Variants in RFX8 observed in about 807,000 individuals in gnomAD.
RFX8 encodes DNA-binding protein RFX8.
In RFX8, 46 loss-of-function variants were observed where a neutral mutation model predicts 54.6. That is an observed-to-expected ratio of 0.84 (90% CI 0.67 to 1.08). RFX8 has a LOEUF of 1.08. Ranked by LOEUF, RFX8 falls within the 50% of genes least tolerant of loss-of-function variation. RFX8 has a pLI of 0.00. For missense variants in RFX8, 536 were observed against 562.3 expected, an observed-to-expected ratio of 0.95 and a Z score of 0.47; for synonymous variants, 192 against 209.5, an observed-to-expected ratio of 0.92 and a Z score of 0.72.
chr2:101,471,908 G>A (rs4629180), intron 1 of RFX8, among the ~76,000 whole-genome samples: 113,389 of 152,142 alleles, frequency 0.75, 42,893 homozygotes, highest in African/African-American at 0.84. Context: ...CCTCCACAGG[G>A]CAACAGTTGG....
intron 2 of RFX8, among the ~76,000 whole-genome samples, chr2:101,460,472 A>G (rs571003561): frequency 6.6e-6 from 1 of 152,270 alleles, no homozygotes; most frequent in East Asian, 1.9e-4. Context: ...CTTGTTTATC[A>G]GCACTTTGTT....
intron 2 of RFX8, among the ~76,000 whole-genome samples, chr2:101,444,095 G>A (rs1404771015): frequency 6.6e-6 from 1 of 152,178 alleles, no homozygotes; most frequent in Non-Finnish European, 1.5e-5. Flanking sequence ...GGCAGGTCAT[G>A]CTCCCCACAT....
chr2:101,406,029 T>A lies in RFX8; in HGVS notation c.842A>T (p.Lys281Ile). Residue 281 changes from lysine to isoleucine, a missense_variant, in exon 10 of 12, where the codon AAA (lysine) becomes ATA (isoleucine). By Grantham distance (102) the Lys-to-Ile change is moderately radical. Transcript: ENST00000428343. ...TCTCAGCTGGAAGCTGGCGGCCAAT[T>A]TGGTAAACTCTTCTTTGCTTCTGCT... is the stretch of plus-strand genomic sequence containing the variant. Reference protein sequence around the residue: ...QTSRSKEEFTKLAASFQLRWN... With the variant: ...QTSRSKEEFTILAASFQLRWN... The A allele has an allele frequency of 6.5e-7, 1 of 1,548,166 alleles. No homozygotes were observed. The highest frequency in any genetic ancestry group is 8.7e-7 in the Non-Finnish European group (1 of 1,145,412).
intron 6 of RFX8, among the ~76,000 whole-genome samples, chr2:101,416,509 T>C (rs1376576710): frequency 6.6e-6 from 1 of 152,150 alleles, no homozygotes; most frequent in Non-Finnish European, 1.5e-5. Flanking sequence ...GTCCCCTATC[T>C]GCACTACCTA....
At chr2:101,449,335 G>A (rs1026601266) in intron 2 of RFX8, among the ~76,000 whole-genome samples, 3 of 152,166 alleles carry the variant, frequency 2.0e-5, no homozygotes, top group African/African-American at 7.2e-5. Context: ...TCATCTGGTA[G>A]CTGTGTTTAG....
At position 101,413,187 on chromosome 2, in the gene RFX8, A is replaced by T. The variant is rs1686257066; in HGVS notation, c.562-116T>A. Reference sequence around the variant, plus strand: ...GGGGGAGAAAGAAACATTGATGTGGATATTACCCATTAAAAATGAATCTTA... The same window carrying T: ...GGGGGAGAAAGAAACATTGATGTGGTTATTACCCATTAAAAATGAATCTTA... On this transcript the variant is annotated intron_variant, in intron 7 of 11. Coordinates refer to ENST00000428343, the MANE Select transcript of RFX8 (RefSeq NM_001145664.2). The T allele has an allele frequency of 6.8e-6, 5 of 739,792 alleles. No homozygotes were observed. The Admixed American group carries it at 1.4e-4, about 20-fold the overall frequency. The allele number at this position is 739,792 out of a possible 1,614,324, so 45.8% of individuals were successfully genotyped here. A position where few individuals can be genotyped will look rare whatever the true frequency, so the allele number is the denominator to read the frequency against.
At chr2:101,409,894 T>A (rs1292171504) in intron 9 of RFX8, among the ~76,000 whole-genome samples, 3 of 151,804 alleles carry the variant, frequency 2.0e-5, no homozygotes, top group African/African-American at 7.3e-5. Flanking sequence ...CATTCTCAGC[T>A]CTCCACTGCC....
intron 2 of RFX8, among the ~76,000 whole-genome samples, chr2:101,453,300 G>A (rs200599307): frequency 0.066 from 5,105 of 77,250 alleles, 323 homozygotes; most frequent in African/African-American, 0.2. Flanking sequence ...TAAATAAAAA[G>A]AGAGAAAAAA....
chr2:101,412,927 G>A lies in RFX8; in HGVS notation c.706C>T (p.Pro236Ser), dbSNP rs1686228943. 6.4e-7 allele frequency: 1 copy of A among 1,550,542 alleles called. No individual in the cohort carries two copies. ...GAAGGAAGATTACATTTCATCTCTG[G>A]GTTGTTCTCCAGTTCATCTGCGCCA... ...RSGADELENNPEMKCLRNLIS... is the reference protein window; with the variant it reads ...RSGADELENNSEMKCLRNLIS... Residue 236 changes from proline (P) to serine (S), a missense_variant, in exon 8 of 12, where the codon CCA (proline) becomes TCA (serine). Pro to Ser is a moderately conservative substitution (Grantham distance 74, BLOSUM62 -1). Coordinates refer to ENST00000428343, the MANE Select transcript of RFX8 (RefSeq NM_001145664.2).
intron 5 of RFX8, among the ~76,000 whole-genome samples, chr2:101,418,014 C>CA (rs1008927270): frequency 2.6e-5 from 4 of 152,234 alleles, no homozygotes; most frequent in Middle Eastern, 3.4e-3. Context: ...CTCAGCCTCC[C>CA]AAGTAGCTGG....
At chr2:101,439,429 C>T (rs6748823) in intron 2 of RFX8, among the ~76,000 whole-genome samples, 8 of 152,080 alleles carry the variant, frequency 5.3e-5, no homozygotes, top group Admixed American at 2.0e-4. Flanking sequence ...GATCATACTT[C>T]TGGTGTCTGG....
chr2:101,416,871 T>C (rs1023573365), intron 6 of RFX8, among the ~76,000 whole-genome samples: 2 of 152,152 alleles, frequency 1.3e-5, no homozygotes, highest in Admixed American at 1.3e-4. Context: ...GGAAGCAGCA[T>C]TCAGAGACTG....
intron 2 of RFX8, among the ~76,000 whole-genome samples, chr2:101,448,413 A>G (rs895422099): frequency 2.0e-5 from 3 of 152,080 alleles, no homozygotes; most frequent in African/African-American, 7.2e-5. Context: ...TGCTCCCCTA[A>G]GCCTGGATGT....
intron 10 of RFX8, 58 bp from the exon 11 acceptor site, chr2:101,402,810 C>T: frequency 1.4e-6 from 2 of 1,435,122 alleles, no homozygotes; most frequent in South Asian, 2.8e-5. Flanking sequence ...ATAAACAAAT[C>T]ATTGTGAAAC....
At chr2:101,408,354 G>A (rs375164802) in intron 9 of RFX8, among the ~76,000 whole-genome samples, 6 of 152,188 alleles carry the variant, frequency 3.9e-5, no homozygotes, top group East Asian at 3.9e-4. Context: ...GCGAGGTGGC[G>A]GGCACCTGTA....
At chr2:101,436,941 G>A (rs144664406) in intron 2 of RFX8, among the ~76,000 whole-genome samples, 6 of 152,216 alleles carry the variant, frequency 3.9e-5, no homozygotes, top group Non-Finnish European at 8.8e-5. Context: ...GGAAGGAGTC[G>A]CACTCCAACC....
At chr2:101,408,621 C>T (rs1334512633) in intron 9 of RFX8, among the ~76,000 whole-genome samples, 1 of 152,208 alleles carries the variant, frequency 6.6e-6, no homozygotes, top group Non-Finnish European at 1.5e-5. Context: ...AGTAGCCATC[C>T]AGCTCTGGAC....
At position 101,412,989 on chromosome 2, in the gene RFX8, A is replaced by G. The variant is rs1275205245; in HGVS notation, c.644T>C (p.Leu215Ser). The G allele has an allele frequency of 3.2e-6, 5 of 1,552,014 alleles. No individual in the cohort carries two copies. The highest frequency in any genetic ancestry group is 1.7e-4 in the Middle Eastern group (1 of 5,992). ...TGCCAGGGCTTTCTTAGAAGTAGCC[A>G]AAGTGCCTTGATTGATGATGGCCTG... ...DLQAIINQGT[L>S]ATSKKALASD... The change falls in exon 8 of 12, where the codon TTG becomes TCG. Residue 215 changes from leucine (L) to serine (S), a missense_variant. Physicochemically the swap from Leu to Ser is moderately radical, Grantham distance 145. Transcript: ENST00000428343.
intron 1 of RFX8, among the ~76,000 whole-genome samples, chr2:101,467,950 G>C (rs1390134241): frequency 6.6e-6 from 1 of 152,012 alleles, no homozygotes; most frequent in Non-Finnish European, 1.5e-5. Context: ...CAGACAATAC[G>C]TCTCCTTGGC....
Sources: gnomAD v4.1 joint callset for allele counts (sites outside exome capture counted in the v4.1 genomes callset) on GRCh38, gnomAD v4.1.1 for gene constraint, MANE v1.5 for transcripts, NCBI Gene and HGNC (gene_info 2026-07-23, HGNC 2026-07-21) for gene names.